Variants in CTR9 observed in about 807,000 individuals in gnomAD.
CTR9 encodes the protein CTR9 component of Paf1/RNA polymerase II complex.
Under a neutral mutation model 152.1 loss-of-function variants are expected in CTR9, and 41 were observed. That is an observed-to-expected ratio of 0.27 (90% CI 0.21 to 0.35). The LOEUF (loss-of-function observed/expected upper bound fraction) is 0.35. CTR9 is among the 10% of genes least tolerant of loss of function. The probability of loss-of-function intolerance (pLI) is 1.00; values close to 1 mark genes in which losing one functional copy is unlikely to be tolerated. For synonymous variants in CTR9, 476 were observed against 496.2 expected (o/e 0.96, Z 0.54); for missense variants, 917 against 1,424.4 (o/e 0.64, Z 5.73).
In CTR9 at chr11:10,774,408, C is replaced by T. The variant is rs780809262; in HGVS notation, c.2885+239C>T. 6 of 331,688 alleles carry T rather than the reference C, an allele frequency of 1.8e-5. No individual in the cohort carries two copies. The Admixed American group carries it at 2.7e-4, about 15-fold the overall frequency. The allele number at this position is 331,688 out of a possible 1,614,324, so 20.5% of individuals were successfully genotyped here. On this transcript the variant is annotated intron_variant, in intron 22 of 24. Coordinates refer to ENST00000361367, the MANE Select transcript of CTR9 (RefSeq NM_014633.5). ...AAGCGCTGCAAGTTAGTCATAATTG[C>T]CTTTCTTGTGTCTCTAAATATTTAT...
chr11:10,760,159 A>G lies in CTR9; in HGVS notation c.593-14A>G. 1 of 1,611,334 alleles carries G rather than the reference A, an allele frequency of 6.2e-7. No homozygotes were observed. The highest frequency in any genetic ancestry group is 1.7e-5 in the Admixed American group (1 of 59,770). On this transcript the variant is annotated splice_polypyrimidine_tract_variant and intron_variant, in intron 5 of 24. Transcript: ENST00000361367. ...ATGCCCTAGTTTGATAGATTGAATG[A>G]CTTCATTTTATAGCGGAAGTTCGTT...
At chr11:10,774,193 TAA>T (rs1187396573) in intron 22 of CTR9, 24 bp downstream of exon 22, 1 of 1,585,418 alleles carries the variant, frequency 6.3e-7, no homozygotes, top group Non-Finnish European at 8.5e-7. Context: ...TAATGTGCTT[TAA>T]GTAACCTCAT....
chr11:10,754,392 A>G (rs1432007655), intron 2 of CTR9, among the ~76,000 whole-genome samples: 1 of 152,192 alleles, frequency 6.6e-6, no homozygotes, highest in Admixed American at 6.5e-5. Flanking sequence ...ATTGTGAATG[A>G]TTCCAGTTTT....
chr11:10,757,290 G>GA (rs1161179576), intron 5 of CTR9, among the ~76,000 whole-genome samples: 5 of 144,862 alleles, frequency 3.5e-5, no homozygotes, highest in Non-Finnish European at 6.1e-5. Flanking sequence ...GTCTCAAGGG[G>GA]AAAAAAAAAT....
Position 10,778,716 on chromosome 11 carries a change from G to A in CTR9, c.3133G>A (p.Glu1045Lys), listed in dbSNP as rs528222647. 6 of 1,613,958 alleles carry A rather than the reference G, an allele frequency of 3.7e-6. No homozygotes were observed. Among genetic ancestry groups the A allele is most frequent in the African/African-American group, 1.3e-5 (1 of 75,044 alleles). The change falls in exon 25 of 25, where the codon GAG (glutamate) becomes AAG (lysine). Residue 1045 changes from glutamate (E) to lysine (K), a missense_variant. Transcript: ENST00000361367. ...RNSNSNSDSD[E>K]DEQRKKCASS... ...CAGCAACAGCAACAGTGACTCAGAC[G>A]AGGACGAACAACGAAAGAAATGTGC...
rs763337986 is a variant in CTR9, at chr11:10,773,236, C to G, written c.2690C>G (p.Ala897Gly). The change falls in exon 21 of 25, where the codon GCA becomes GGA. Residue 897 changes from alanine to glycine, a missense_variant. Ala to Gly is a moderately conservative substitution (Grantham distance 60, BLOSUM62 0). Coordinates refer to ENST00000361367, the MANE Select transcript of CTR9 (RefSeq NM_014633.5). The part of the protein sequence containing the change: ...NILMFTGETE[A>G]TKEKKRGGGG... ...CTTATGTTTACTGGTGAGACTGAAGCAACAAAAGAGAAGAAAAGAGGTGGT... is the reference window on the plus strand; with the variant it reads ...CTTATGTTTACTGGTGAGACTGAAGGAACAAAAGAGAAGAAAAGAGGTGGT... 2.4e-5 allele frequency: 38 copies of G among 1,613,056 alleles called. 1 individual carries two copies. Among genetic ancestry groups the G allele is most frequent in the South Asian group, 6.6e-5 (6 of 90,816 alleles).
intron 16 of CTR9, among the ~76,000 whole-genome samples, chr11:10,769,762 G>A (rs767666179): frequency 6.6e-5 from 10 of 152,310 alleles, no homozygotes; most frequent in African/African-American, 1.4e-4. Flanking sequence ...GTTTTACCAA[G>A]AAGTTAACAA....
At chr11:10,756,966 T>G (rs186860267) in intron 5 of CTR9, 128 bp downstream of exon 5, 359 of 730,140 alleles carry the variant, frequency 4.9e-4, no homozygotes, top group Non-Finnish European at 7.7e-4. Flanking sequence ...AATCAAGTTT[T>G]TTTTTTGATG....
intron 21 of CTR9, among the ~76,000 whole-genome samples, chr11:10,773,696 T>G (rs1476389391): frequency 6.6e-6 from 1 of 151,968 alleles, no homozygotes; most frequent in African/African-American, 2.4e-5. Flanking sequence ...GAGACCAGTT[T>G]GGCCAACATG....
chr11:10,756,936 T>C (rs1294854437), intron 5 of CTR9, 98 bp downstream of exon 5: 11 of 885,286 alleles, frequency 1.2e-5, no homozygotes, highest in Non-Finnish European at 1.8e-5. Context: ...AAAGATATTG[T>C]TGGATTATAG....
intron 12 of CTR9, among the ~76,000 whole-genome samples, chr11:10,766,168 A>G (rs1412136072): frequency 2.6e-5 from 4 of 152,226 alleles, no homozygotes; most frequent in Non-Finnish European, 4.4e-5. Flanking sequence ...GGGAACTAGC[A>G]TTGGGAGTGG....
chr11:10,774,361 A>G (rs1226131994), intron 22 of CTR9, 192 bp downstream of exon 22: 2 of 520,726 alleles, frequency 3.8e-6, no homozygotes, highest in Admixed American at 3.1e-5. Context: ...GGATTTCCAT[A>G]CGTCTCCACA....
At chr11:10,764,048 C>T (rs528275557) in intron 9 of CTR9, 64 bp from the exon 10 acceptor site, 1 of 1,511,992 alleles carries the variant, frequency 6.6e-7, no homozygotes, top group South Asian at 1.1e-5. Context: ...TTACATAGCC[C>T]CCACTTTTTA....
rs1863021858 is a variant in CTR9, at chr11:10,764,192, T to C, written c.1275T>C (p.Thr425=). ...WIELAQILEQ[T]DIQGALSAYG... is the part of the protein sequence containing the mutation. ...AATTGGCACAAATCTTAGAACAGAC[T>C]GATATACAGGTATTTTAGTAATGTT... The change falls in exon 10 of 25, where the codon ACT becomes ACC. Residue 425 remains threonine (T), a synonymous_variant. Coordinates refer to ENST00000361367, the MANE Select transcript of CTR9 (RefSeq NM_014633.5). 6.2e-7 allele frequency: 1 copy of C among 1,614,066 alleles called. No homozygotes were observed. Among genetic ancestry groups the C allele is most frequent in the Non-Finnish European group, 8.5e-7 (1 of 1,179,878 alleles).
In CTR9 at chr11:10,768,175, T is replaced by C; in HGVS notation, c.1960+14T>C. ...CCAATGGCATAGGTGATTATAAGAC[T>C]TGAGTACCCATAACAATTTGTTTCA... On this transcript the variant is annotated intron_variant, in intron 15 of 24. Coordinates refer to ENST00000361367, the MANE Select transcript of CTR9 (RefSeq NM_014633.5). 1 of 1,606,398 alleles carries C rather than the reference T, an allele frequency of 6.2e-7. No homozygotes were observed.
At chr11:10,773,040 A>C in intron 20 of CTR9, 87 bp from the exon 21 acceptor site, 3 of 1,469,696 alleles carry the variant, frequency 2.0e-6, no homozygotes, top group Non-Finnish European at 2.7e-6. Flanking sequence ...AGAAAAAAAA[A>C]AATCCTCTGC....
In CTR9 at chr11:10,774,137, G is replaced by A. The variant is rs568774868; in HGVS notation, c.2853G>A (p.Glu951=). 2 of 1,603,636 alleles carry A rather than the reference G, an allele frequency of 1.2e-6. No homozygotes were observed. Among genetic ancestry groups the A allele is most frequent in the Non-Finnish European group, 1.7e-6 (2 of 1,171,662 alleles). ...GTGAACAAGAAGGTGAAGATGAGGA[G>A]GGTGGTGAGAGAAAGAAGAAAAAGA... ...SGSEQEGEDE[E]GGERKKKKRR... is the part of the protein sequence containing the mutation. The change falls in exon 22 of 25, where the codon GAG becomes GAA. Residue 951 remains glutamate (E), a synonymous_variant. Coordinates refer to ENST00000361367, the MANE Select transcript of CTR9 (RefSeq NM_014633.5).
At chr11:10,766,949 T>C (rs934363442) in intron 13 of CTR9, 1 of 153,536 alleles carries the variant, frequency 6.5e-6, no homozygotes, top group African/African-American at 2.4e-5. Flanking sequence ...TACACACAAA[T>C]GTATATATAG....
intron 17 of CTR9, 44 bp from the exon 18 acceptor site, chr11:10,770,443 T>C (rs1478352966): frequency 6.3e-6 from 10 of 1,597,948 alleles, no homozygotes; most frequent in Non-Finnish European, 8.5e-6. Flanking sequence ...TAAGATCCTT[T>C]TCATGTCATT....
Sources: gnomAD v4.1 joint callset for allele counts (sites outside exome capture counted in the v4.1 genomes callset) on GRCh38, gnomAD v4.1.1 for gene constraint, MANE v1.5 for transcripts, NCBI Gene and HGNC (gene_info 2026-07-23, HGNC 2026-07-21) for gene names.